KLHL23: variants seen among roughly 807,000 people sequenced by gnomAD.
KLHL23 encodes kelch-like protein 23.
A neutral mutation model predicts 48.9 loss-of-function variants in KLHL23; 33 were observed. The observed-to-expected ratio is 0.67, with a 90% CI of 0.51 to 0.90. KLHL23 has a LOEUF of 0.90. Ranked by LOEUF, KLHL23 falls within the 40% of genes least tolerant of loss-of-function variation. KLHL23 has a pLI of 0.00. For missense variants in KLHL23, 608 were observed against 669.6 expected, an observed-to-expected ratio of 0.91 and a Z score of 1.02; for synonymous variants, 234 against 231.6, an observed-to-expected ratio of 1.01 and a Z score of -0.09.
chr2:169,741,480 C>A lies in KLHL23; in HGVS notation c.1309C>A (p.Gln437Lys). The change falls in exon 3 of 4, where the codon CAG becomes AAG. Residue 437 changes from glutamine to lysine, a missense_variant. This residue lies in a region of KLHL23 where 179 missense variants were observed against 169.9 expected (regional missense o/e 1.05). Transcript: ENST00000392647. ...AGGAAGCTGCACCTATGACAAAGTT[C>A]AGAGCTACAATTCCGATATCAACGA... ...YRGSCTYDKV[Q>K]SYNSDINEWS... The A allele has an allele frequency of 6.2e-7, 1 of 1,613,972 alleles. No homozygotes were observed.
At chr2:169,741,616 A>G (rs1261955553) in intron 3 of KLHL23, 79 bp downstream of exon 3, 14 of 1,479,316 alleles carry the variant, frequency 9.5e-6, no homozygotes, top group Non-Finnish European at 1.2e-5. Context: ...ATGGACTGGA[A>G]ATAGAAAATG....
intron 2 of KLHL23, among the ~76,000 whole-genome samples, chr2:169,740,237 C>T (rs557213374): frequency 2.6e-5 from 4 of 152,162 alleles, no homozygotes; most frequent in African/African-American, 7.2e-5. Flanking sequence ...CTCAGCCTCC[C>T]GAGTAGCTGG....
At position 169,749,615 on chromosome 2, in the gene KLHL23, G is replaced by A. The variant is rs776427851; in HGVS notation, c.1560G>A (p.Lys520=). 8 of 1,613,912 alleles carry A rather than the reference G, an allele frequency of 5.0e-6. No homozygotes were observed. In the South Asian group the frequency reaches 7.7e-5, roughly 16 times the overall value. The change falls in exon 4 of 4, where the codon AAG becomes AAA. Residue 520 remains lysine, a synonymous_variant. Transcript: ENST00000392647. ...IYVTGGYSYS[K]GTYLQSIEKY... ...TCACTGGAGGATACTCCTACTCAAAGGGAACGTATCTTCAGAGCATTGAGA... is the reference window on the plus strand; with the variant it reads ...TCACTGGAGGATACTCCTACTCAAAAGGAACGTATCTTCAGAGCATTGAGA...
intron 3 of KLHL23, among the ~76,000 whole-genome samples, chr2:169,742,846 C>T (rs1426201553): frequency 6.6e-6 from 1 of 152,232 alleles, no homozygotes; most frequent in African/African-American, 2.4e-5. Flanking sequence ...ATAGTAACAA[C>T]TCACAGTGAG....
At chr2:169,744,968 C>T (rs1407557798) in intron 3 of KLHL23, among the ~76,000 whole-genome samples, 2 of 149,324 alleles carry the variant, frequency 1.3e-5, no homozygotes, top group South Asian at 2.1e-4. Flanking sequence ...AAGACAGTCT[C>T]GCTCTGTTGC....
In KLHL23 at chr2:169,750,112, G is replaced by GTATGTATACATATA. The variant is rs1558952750; in HGVS notation, c.*381_*382insATGTATACATATAT. 2.8e-5 allele frequency: 4 copies of GTATGTATACATATA among 145,150 alleles called. No homozygotes were observed. Among genetic ancestry groups the GTATGTATACATATA allele is most frequent in the Admixed American group, 6.8e-5 (1 of 14,656 alleles). The allele number at this position is 145,150 out of a possible 1,614,324, so 9.0% of individuals were successfully genotyped here. On this transcript the variant is annotated 3_prime_UTR_variant, in exon 4 of 4. Coordinates refer to ENST00000392647, the MANE Select transcript of KLHL23 (RefSeq NM_144711.6). ...TACATATATGTGTATACATATATAT[G>GTATGTATACATATA]TGTGTATATATATACACATATATAC...
intron 2 of KLHL23, among the ~76,000 whole-genome samples, chr2:169,740,577 T>C (rs544571380): frequency 6.6e-6 from 1 of 150,486 alleles, no homozygotes; most frequent in Non-Finnish European, 1.5e-5. Context: ...GCCTCCCGAG[T>C]AGCTAGGACT....
intron 3 of KLHL23, among the ~76,000 whole-genome samples, chr2:169,748,690 T>C (rs1387887022): frequency 1.3e-5 from 2 of 150,580 alleles, no homozygotes; most frequent in East Asian, 4.0e-4. Context: ...TGAGATATGC[T>C]GGTGCTTTGA....
intron 1 of KLHL23, 149 bp downstream of exon 1, chr2:169,734,236 C>T: frequency 7.0e-6 from 1 of 143,580 alleles, no homozygotes; most frequent in South Asian, 1.9e-4. Context: ...GCCGCGCGGG[C>T]GCCGGGCCGG....
intron 2 of KLHL23, among the ~76,000 whole-genome samples, chr2:169,737,277 A>G (rs1457088975): frequency 6.6e-6 from 1 of 152,240 alleles, no homozygotes; most frequent in Non-Finnish European, 1.5e-5. Flanking sequence ...AATGTTACGC[A>G]TGATTGTCCT....
At chr2:169,749,355 C>T (rs1688883335) in intron 3 of KLHL23, 67 bp from the exon 4 acceptor site, 1 of 1,430,710 alleles carries the variant, frequency 7.0e-7, no homozygotes, top group Non-Finnish European at 9.3e-7. Flanking sequence ...TACATTACCA[C>T]ACTGTGGAAT....
chr2:169,749,780 T>C lies in KLHL23; in HGVS notation c.*48T>C. On this transcript the variant is annotated 3_prime_UTR_variant, in exon 4 of 4. Transcript: ENST00000392647. ...GCAATCACTTTTTTGGAGTATAGTT[T>C]TATAAAAAAAGAATGCAGGGTTTGA... 6.5e-7 allele frequency: 1 copy of C among 1,527,534 alleles called. No homozygotes were observed. Among genetic ancestry groups the C allele is most frequent in the Non-Finnish European group, 8.8e-7 (1 of 1,136,066 alleles). 94.6% of individuals were successfully genotyped at this position (1,527,534 alleles called of 1,614,324 possible). A position where few individuals can be genotyped will look rare whatever the true frequency, so the allele number is the denominator to read the frequency against.
rs895313819 is a variant in KLHL23 at position 169,737,117 on chromosome 2, G to C, written c.1213+890G>C. 2.6e-5 allele frequency among the ~76,000 whole-genome samples: 4 copies of C among 152,150 alleles called. No homozygotes were observed. In the East Asian group the frequency reaches 7.7e-4, roughly 29 times the overall value. ...TCCTCTTACTTGCTGATGAGCTCTG[G>C]CAAATTGTTTAATCACCCTGTGCCC... On this transcript the variant is annotated intron_variant, in intron 2 of 3. Transcript: ENST00000392647.
rs778081093 is a variant in KLHL23 at position 169,735,678 on chromosome 2, C to T, written c.664C>T (p.Leu222=). The change falls in exon 2 of 4, where the codon CTA becomes TTA. Residue 222 remains leucine (L), a synonymous_variant. Coordinates refer to ENST00000392647, the MANE Select transcript of KLHL23 (RefSeq NM_144711.6). The surrounding 1 kb of genome is among the most constrained non-coding windows in gnomAD (Gnocchi z 4.5). ...VENRIECLYN[L]LSYINIDIDP... ...AAATCGAATTGAATGCCTCTATAAT[C>T]TACTGAGCTATATCAACATTGATAT... 6.2e-7 allele frequency: 1 copy of T among 1,613,992 alleles called. No homozygotes were observed.
chr2:169,745,760 G>T (rs1449391828), intron 3 of KLHL23, among the ~76,000 whole-genome samples: 2 of 152,156 alleles, frequency 1.3e-5, no homozygotes, highest in Non-Finnish European at 2.9e-5. Flanking sequence ...GTCGTCTCAG[G>T]GTCTCTGGCC....
intron 3 of KLHL23, among the ~76,000 whole-genome samples, chr2:169,743,732 C>T (rs1038262086): frequency 6.6e-6 from 1 of 152,224 alleles, no homozygotes; most frequent in African/African-American, 2.4e-5. Context: ...TCACCACAGT[C>T]CTTCCAATTC....
intron 1 of KLHL23, among the ~76,000 whole-genome samples, chr2:169,734,480 G>A (rs1270358269): frequency 6.6e-6 from 1 of 151,930 alleles, no homozygotes; most frequent in African/African-American, 2.4e-5. Context: ...GGGCTGCAAG[G>A]GCTGCGCCGA....
intron 1 of KLHL23, among the ~76,000 whole-genome samples, chr2:169,734,784 G>A (rs1688472365): frequency 6.6e-6 from 1 of 152,036 alleles, no homozygotes; most frequent in Admixed American, 6.5e-5. Flanking sequence ...CTCTCAAAAG[G>A]ACTACTGAAA....
chr2:169,739,387 G>GT (rs1688620108), intron 2 of KLHL23, among the ~76,000 whole-genome samples: 2 of 152,254 alleles, frequency 1.3e-5, no homozygotes, highest in Admixed American at 1.3e-4. Flanking sequence ...TTGGGCATCA[G>GT]TAAGTATCCT....
Sources: allele counts gnomAD v4.1 joint callset (sites outside exome capture counted in the v4.1 genomes callset), GRCh38; gene constraint gnomAD v4.1.1; regional missense constraint gnomAD v4.1.1; non-coding constraint Gnocchi (gnomAD v3.1); transcripts MANE v1.5; gene names NCBI Gene and HGNC (gene_info 2026-07-23, HGNC 2026-07-21).